The following CELSR1 variants were observed in gnomAD, a reference collection of about 807,000 sequenced individuals.
The protein encoded by CELSR1 is adhesion G protein-coupled receptor C1.
CELSR1 carries 110 observed loss-of-function variants against 249.1 expected under a neutral mutation model. That is an observed-to-expected ratio of 0.44 (90% CI 0.38 to 0.52). The LOEUF (loss-of-function observed/expected upper bound fraction) is 0.52, where lower values mean the gene tolerates loss of function less well. Among genes scored for constraint, CELSR1 ranks in the 20% least tolerant of loss-of-function variants. The pLI is 0.00. For missense variants in CELSR1, 4,109 were observed against 4,296.4 expected (o/e 0.96, Z 1.22); for synonymous variants, 2,113 against 1,900.0 (o/e 1.11, Z -2.92).
rs2079424785 is a variant in CELSR1, at chr22:46,418,170, T to C, written c.4612-6411A>G. Among the ~76,000 whole-genome samples, 3 of 152,378 alleles carry C rather than the reference T, an allele frequency of 2.0e-5. No individual in the cohort carries two copies. The South Asian group carries it at 6.2e-4, about 32-fold the overall frequency. ...TTCTCAAGTTTTGCTGTTTTAATAC[T>C]TCCCTATATTAAAATAACATAATAC... On this transcript the variant is annotated intron_variant, in intron 5 of 34. Coordinates refer to ENST00000674500, the MANE Select transcript of CELSR1 (RefSeq NM_001378328.1).
intron 5 of CELSR1, among the ~76,000 whole-genome samples, chr22:46,418,964 C>A (rs1276032263): frequency 1.3e-5 from 2 of 152,188 alleles, no homozygotes; most frequent in African/African-American, 2.4e-5. Flanking sequence ...CCTGGGCATG[C>A]GTGTTCAGCA....
intron 1 of CELSR1, among the ~76,000 whole-genome samples, chr22:46,477,004 G>C (rs1490763437): frequency 1.3e-5 from 2 of 152,182 alleles, no homozygotes; most frequent in East Asian, 3.9e-4. Context: ...ATTTTGGCGT[G>C]ACATTGTACA....
chr22:46,479,848 G>A (rs530028140), intron 1 of CELSR1, among the ~76,000 whole-genome samples: 1 of 152,184 alleles, frequency 6.6e-6, no homozygotes, highest in East Asian at 1.9e-4. Context: ...TGGTAACGGG[G>A]GCTGCCTCTC....
At chr22:46,419,383 A>C (rs1307792071) in intron 5 of CELSR1, among the ~76,000 whole-genome samples, 3 of 152,204 alleles carry the variant, frequency 2.0e-5, no homozygotes, top group Admixed American at 2.0e-4. Flanking sequence ...CAAGCACTCA[A>C]CAAGAAGCTC....
chr22:46,439,649 G>A (rs1357805995), intron 2 of CELSR1, among the ~76,000 whole-genome samples: 2 of 152,110 alleles, frequency 1.3e-5, no homozygotes, highest in East Asian at 3.9e-4. Flanking sequence ...TAAGGATGGT[G>A]GCCAGGGGGT....
chr22:46,493,102 T>C (rs913826700), intron 1 of CELSR1, among the ~76,000 whole-genome samples: 1 of 151,160 alleles, frequency 6.6e-6, no homozygotes, highest in Non-Finnish European at 1.5e-5. Context: ...GTAAAAAAAT[T>C]AGCCAGGCAT....
In CELSR1 at chr22:46,428,894, T is replaced by G. The variant is rs768984185; in HGVS notation, c.4611+4499A>C. 2.6e-5 allele frequency among the ~76,000 whole-genome samples: 4 copies of G among 152,156 alleles called. No individual in the cohort carries two copies. The highest frequency in any genetic ancestry group is 9.7e-5 in the African/African-American group (4 of 41,426). Reference sequence around the variant, plus strand: ...GCCTCCCCAGCTGGCCAGGAGACTGTGCTCCAGGCTCTGGGCAGGCTCAGC... The same window carrying G: ...GCCTCCCCAGCTGGCCAGGAGACTGGGCTCCAGGCTCTGGGCAGGCTCAGC... On this transcript the variant is annotated intron_variant, in intron 5 of 34. Transcript: ENST00000674500. This position sits in a 1 kb window ranked among gnomAD's most constrained non-coding sequence, Gnocchi z 5.7.
chr22:46,524,917 C>T (rs2080724290), intron 1 of CELSR1, among the ~76,000 whole-genome samples: 1 of 152,152 alleles, frequency 6.6e-6, no homozygotes, highest in Non-Finnish European at 1.5e-5. Context: ...CTGGGCCCTC[C>T]ACCTGGCAGG....
intron 24 of CELSR1, among the ~76,000 whole-genome samples, chr22:46,376,007 C>T (rs2078914535): frequency 6.6e-6 from 1 of 152,198 alleles, no homozygotes; most frequent in Non-Finnish European, 1.5e-5. Flanking sequence ...CAGTGGTGAA[C>T]GTGAGTGGGT....
chr22:46,367,875 G>A lies in CELSR1; in HGVS notation c.7953-20C>T. On this transcript the variant is annotated intron_variant, in intron 27 of 34. Transcript: ENST00000674500. ...AGGGAGCTGCGGGAGGGCAGGATCA[G>A]GCCTGTGCCCATCGCCACCACCTGC... The A allele has an allele frequency of 6.2e-7, 1 of 1,601,272 alleles. No individual in the cohort carries two copies. The highest frequency in any genetic ancestry group is 8.5e-7 in the Non-Finnish European group (1 of 1,175,048).
chr22:46,478,547 T>C (rs2080233604), intron 1 of CELSR1, among the ~76,000 whole-genome samples: 1 of 146,094 alleles, frequency 6.8e-6, no homozygotes, highest in Non-Finnish European at 1.5e-5. Context: ...AGATGAGAAT[T>C]TTTTTTTTTT....
chr22:46,485,630 CTCCA>C (rs2147680706), intron 1 of CELSR1, among the ~76,000 whole-genome samples: 1 of 152,348 alleles, frequency 6.6e-6, no homozygotes, highest in East Asian at 1.9e-4. Context: ...AAAAGCTCAT[CTCCA>C]AGACAGGCGG....
In CELSR1 at chr22:46,381,713, G is replaced by T; in HGVS notation, c.7088+133C>A. On this transcript the variant is annotated intron_variant, in intron 21 of 34. Transcript: ENST00000674500. The surrounding 1 kb of genome is among the most constrained non-coding windows in gnomAD (Gnocchi z 6.0). ...GGACCACCACAAGGCAATGGTCTCT[G>T]TCTCTGGGCCAGGGTCACGGTGAAA... 1.2e-6 allele frequency: 1 copy of T among 846,352 alleles called. No homozygotes were observed. Among genetic ancestry groups the T allele is most frequent in the Non-Finnish European group, 1.8e-6 (1 of 556,026 alleles). The allele number at this position is 846,352 out of a possible 1,614,324, so 52.4% of individuals were successfully genotyped here.
intron 2 of CELSR1, among the ~76,000 whole-genome samples, chr22:46,455,220 CAA>C (rs1387980900): frequency 6.6e-6 from 1 of 152,164 alleles, no homozygotes; most frequent in Non-Finnish European, 1.5e-5. Flanking sequence ...AACAGTAAGA[CAA>C]GAGACTTTTT....
chr22:46,498,648 G>A (rs1422129923), intron 1 of CELSR1, among the ~76,000 whole-genome samples: 3 of 151,874 alleles, frequency 2.0e-5, no homozygotes, highest in Admixed American at 6.6e-5. Flanking sequence ...ACAACACTCC[G>A]GTGGTATGGG....
chr22:46,504,415 G>A (rs944525538), intron 1 of CELSR1, among the ~76,000 whole-genome samples: 9 of 151,192 alleles, frequency 6.0e-5, no homozygotes, highest in Non-Finnish European at 1.2e-4. Context: ...TTGGGAGGCC[G>A]AGGCAGGAGA....
rs1438052280 is a variant in CELSR1, at chr22:46,528,622, A to G, written c.3544+5005T>C. Among the ~76,000 whole-genome samples, 3 of 152,216 alleles carry G rather than the reference A, an allele frequency of 2.0e-5. No homozygotes were observed. In the East Asian group the frequency reaches 5.8e-4, roughly 29 times the overall value. On this transcript the variant is annotated intron_variant, in intron 1 of 34. Coordinates refer to ENST00000674500, the MANE Select transcript of CELSR1 (RefSeq NM_001378328.1). ...ATGTGGTACATATATACCATGGTGT[A>G]CTATTCCACTATAAAAAAGAATGAG...
chr22:46,530,649 A>C (rs1362499080), intron 1 of CELSR1: 2 of 152,148 alleles, frequency 1.3e-5, no homozygotes, highest in African/African-American at 2.4e-5. Flanking sequence ...GAATTTCACT[A>C]TCTTCTGACT....
chr22:46,496,611 A>C (rs1192420173), intron 1 of CELSR1, among the ~76,000 whole-genome samples: 2 of 136,194 alleles, frequency 1.5e-5, no homozygotes, highest in African/African-American at 5.2e-5. Flanking sequence ...CTTATTCTAT[A>C]AGCTTTTATC....
Sources: allele counts gnomAD v4.1 joint callset (sites outside exome capture counted in the v4.1 genomes callset), GRCh38; gene constraint gnomAD v4.1.1; non-coding constraint Gnocchi (gnomAD v3.1); transcripts MANE v1.5; gene names NCBI Gene and HGNC (gene_info 2026-07-23, HGNC 2026-07-21).